ADGRV1: variants seen among roughly 807,000 people sequenced by gnomAD.
ADGRV1 encodes the protein G-protein coupled receptor 98.
Under a neutral mutation model 596.2 loss-of-function variants are expected in ADGRV1, and 359 were observed. The observed-to-expected ratio is 0.60, with a 90% CI of 0.55 to 0.66. The LOEUF (loss-of-function observed/expected upper bound fraction) is 0.66, where lower values mean the gene tolerates loss of function less well. Among genes scored for constraint, ADGRV1 ranks in the 30% least tolerant of loss-of-function variants. ADGRV1 has a pLI of 0.00. For missense variants in ADGRV1, 7,274 were observed against 7,575.6 expected (o/e 0.96, Z 1.48); for synonymous variants, 2,681 against 2,679.2 (o/e 1.00, Z -0.02).
At chr5:90,599,000 C>T (rs1761062432) in intron 1 of ADGRV1, among the ~76,000 whole-genome samples, 1 of 152,048 alleles carries the variant, frequency 6.6e-6, no homozygotes, top group South Asian at 2.1e-4. Context: ...AAAAAACCCA[C>T]CAAATCCTTT....
intron 1 of ADGRV1, among the ~76,000 whole-genome samples, chr5:90,577,740 T>C (rs754378605): frequency 6.6e-6 from 1 of 152,238 alleles, no homozygotes; most frequent in Non-Finnish European, 1.5e-5. Flanking sequence ...TGATTCTTCC[T>C]ATCCATGAGC....
At chr5:91,105,981 A>G (rs1436013920) in intron 87 of ADGRV1, among the ~76,000 whole-genome samples, 2 of 150,972 alleles carry the variant, frequency 1.3e-5, no homozygotes, top group Non-Finnish European at 3.0e-5. Flanking sequence ...AAAATCTTTT[A>G]TTTATATTTA....
intron 87 of ADGRV1, among the ~76,000 whole-genome samples, chr5:91,138,315 T>C (rs574941957): frequency 6.6e-6 from 1 of 152,360 alleles, no homozygotes; most frequent in South Asian, 2.1e-4. Flanking sequence ...TTCTGAGTGC[T>C]AAAATTTGAT....
chr5:90,779,134 G>T (rs750640192), intron 64 of ADGRV1, 37 bp downstream of exon 64: 1 of 1,280,794 alleles, frequency 7.8e-7, no homozygotes, highest in South Asian at 1.2e-5. Flanking sequence ...AGAAAGCAAA[G>T]AGCAGAGAGA....
At chr5:90,798,358 T>C (rs1033638405) in intron 70 of ADGRV1, among the ~76,000 whole-genome samples, 4 of 151,246 alleles carry the variant, frequency 2.6e-5, no homozygotes, top group Admixed American at 2.0e-4. Flanking sequence ...ACATACACCC[T>C]CCCAAGACTA....
rs200372116 is a variant in ADGRV1 at position 90,684,150 on chromosome 5, G to A, written c.6229G>A (p.Glu2077Lys). Residue 2077 changes from glutamate (E) to lysine (K), a missense_variant, in exon 28 of 90, where the codon GAA (glutamate) becomes AAA (lysine). Transcript: ENST00000405460. ...AGAAAGGTCCGAATCTGTCTTTATCGAACTACTCAACTCTACTTTAGTAGC... is the reference window on the plus strand; with the variant it reads ...AGAAAGGTCCGAATCTGTCTTTATCAAACTACTCAACTCTACTTTAGTAGC... ...EPERSESVFIELLNSTLVAKV... is the reference protein window; with the variant it reads ...EPERSESVFIKLLNSTLVAKV... The A allele has an allele frequency of 5.8e-5, 94 of 1,613,564 alleles. 2 individuals are homozygous for A. The African/African-American group carries it at 8.8e-4, about 15-fold the overall frequency.
At chr5:91,061,870 T>C (rs1188917284) in intron 85 of ADGRV1, among the ~76,000 whole-genome samples, 1 of 152,240 alleles carries the variant, frequency 6.6e-6, no homozygotes, top group Non-Finnish European at 1.5e-5. Flanking sequence ...AAAGAATAGT[T>C]GTGTGTTCAC....
Position 90,725,127 on chromosome 5 carries a change from T to G in ADGRV1, c.9948T>G (p.Asn3316Lys). 6.5e-7 allele frequency: 1 copy of G among 1,539,752 alleles called. No homozygotes were observed. Among genetic ancestry groups the G allele is most frequent in the Non-Finnish European group, 8.8e-7 (1 of 1,133,018 alleles). ...IENPKTCEAF[N>K]IGFSPYFVIT... Reference sequence around the variant, plus strand: ...ATCCTAAAACTTGTGAGGCCTTTAATATTGGTTTTTCTCCCTACTTTGTGA... The same window carrying G: ...ATCCTAAAACTTGTGAGGCCTTTAAGATTGGTTTTTCTCCCTACTTTGTGA... The change falls in exon 47 of 90, where the codon AAT (asparagine) becomes AAG (lysine). Residue 3316 changes from asparagine to lysine, a missense_variant. Around this residue, in one of 5 missense-constraint regions of ADGRV1, gnomAD observed 3,643 missense variants for 3,809.2 expected, o/e 0.96. Coordinates refer to ENST00000405460, the MANE Select transcript of ADGRV1 (RefSeq NM_032119.4).
At chr5:90,797,950 G>T (rs1378906397) in intron 70 of ADGRV1, among the ~76,000 whole-genome samples, 1 of 152,158 alleles carries the variant, frequency 6.6e-6, no homozygotes, top group Non-Finnish European at 1.5e-5. Flanking sequence ...GAAATTTATA[G>T]CATTAAATGC....
intron 29 of ADGRV1, among the ~76,000 whole-genome samples, chr5:90,688,152 A>G (rs1447673395): frequency 6.6e-6 from 1 of 152,148 alleles, no homozygotes; most frequent in Non-Finnish European, 1.5e-5. Flanking sequence ...ACTATACTAC[A>G]AGGCTACAGT....
chr5:90,697,627 T>C (rs1747362120), intron 34 of ADGRV1, among the ~76,000 whole-genome samples: 2 of 152,304 alleles, frequency 1.3e-5, no homozygotes, highest in African/African-American at 4.8e-5. Context: ...ATATTGTGTT[T>C]GTACATTTTA....
intron 50 of ADGRV1, among the ~76,000 whole-genome samples, chr5:90,737,558 T>G (rs1390967596): frequency 2.6e-5 from 4 of 151,998 alleles, no homozygotes; most frequent in African/African-American, 9.6e-5. Flanking sequence ...TGTATTGCAG[T>G]CTATATCACC....
At chr5:90,945,362 C>T (rs961125685) in intron 83 of ADGRV1, among the ~76,000 whole-genome samples, 3 of 152,104 alleles carry the variant, frequency 2.0e-5, no homozygotes, top group African/African-American at 7.2e-5. Context: ...TCCCACCTTC[C>T]CAATCAAGTA....
intron 42 of ADGRV1, among the ~76,000 whole-genome samples, 171 bp downstream of exon 42, chr5:90,712,599 C>G (rs142937795): frequency 3.9e-4 from 60 of 151,902 alleles, no homozygotes; most frequent in Non-Finnish European, 6.5e-4. Context: ...GTGCCTCTCA[C>G]GTGTGTATGT....
Position 90,823,510 on chromosome 5 carries a change from G to C in ADGRV1, c.16282G>C (p.Glu5428Gln), listed in dbSNP as rs766676260. The change falls in exon 76 of 90, where the codon GAG becomes CAG. Residue 5428 changes from glutamate to glutamine, a missense_variant. This residue lies in a region of ADGRV1 where 1,874 missense variants were observed against 1,970.2 expected (regional missense o/e 0.95). Coordinates refer to ENST00000405460, the MANE Select transcript of ADGRV1 (RefSeq NM_032119.4). ...CCAGAAGGATGGGGTAAACCTGGTG[G>C]AGGAACTTCAGTCTGTGTCAGGGAC... ...VLQKDGVNLV[E>Q]ELQSVSGTTT... 6.2e-7 allele frequency: 1 copy of C among 1,613,936 alleles called. No homozygotes were observed. Among genetic ancestry groups the C allele is most frequent in the Non-Finnish European group, 8.5e-7 (1 of 1,179,822 alleles).
intron 86 of ADGRV1, among the ~76,000 whole-genome samples, chr5:91,088,963 GCCTTTTTTTTCTGAACACCATTGTTTC>G (rs1480336344): frequency 1.3e-5 from 2 of 152,026 alleles, no homozygotes; most frequent in African/African-American, 4.8e-5. Flanking sequence ...TCCAGGAATT[GCCTTTTTTTTCTGAACACCATTGTTTC>G]CCTTTTTTTT....
At chr5:91,070,598 T>A (rs1788303227) in intron 85 of ADGRV1, among the ~76,000 whole-genome samples, 1 of 152,244 alleles carries the variant, frequency 6.6e-6, no homozygotes, top group African/African-American at 2.4e-5. Context: ...TTAACGTTCC[T>A]CCATTTGAGA....
At position 90,658,284 on chromosome 5, in the gene ADGRV1, TA is replaced by T. The variant is rs1769713426; in HGVS notation, c.4752+7del. On this transcript the variant is annotated splice_region_variant and intron_variant, in intron 21 of 89. Coordinates refer to ENST00000405460, the MANE Select transcript of ADGRV1 (RefSeq NM_032119.4). ...CAGGAGCTTGTATACCAGAGGTAAGTAGTGAGCTTGGAGAATTTTGGATTTA... is the reference window on the plus strand; with the variant it reads ...CAGGAGCTTGTATACCAGAGGTAAGTGTGAGCTTGGAGAATTTTGGATTTA... The T allele has an allele frequency of 1.4e-6, 2 of 1,480,768 alleles. No individual in the cohort carries two copies. Among genetic ancestry groups the T allele is most frequent in the Admixed American group, 2.3e-5 (1 of 42,646 alleles). The allele number at this position is 1,480,768 out of a possible 1,614,324, so 91.7% of individuals were successfully genotyped here.
rs367957504 is a variant in ADGRV1 at position 90,810,857 on chromosome 5, T to A, written c.15597T>A (p.Pro5199=). The A allele has an allele frequency of 6.2e-7, 1 of 1,614,052 alleles. No individual in the cohort carries two copies. Among genetic ancestry groups the A allele is most frequent in the Non-Finnish European group, 8.5e-7 (1 of 1,179,892 alleles). The change falls in exon 74 of 90, where the codon CCT becomes CCA. Residue 5199 remains proline, a synonymous_variant. Coordinates refer to ENST00000405460, the MANE Select transcript of ADGRV1 (RefSeq NM_032119.4). ...PEKLVTLHGT[P]AVSEKPDVAT... ...AACTTGTCACCCTTCATGGCACACC[T>A]GCTGTGTCTGAAAAGCCTGATGTGG... is the stretch of plus-strand genomic sequence containing the variant.
Sources: gnomAD v4.1 joint callset for allele counts (sites outside exome capture counted in the v4.1 genomes callset) on GRCh38, gnomAD v4.1.1 for gene constraint, gnomAD v4.1.1 regional missense constraint, MANE v1.5 for transcripts, NCBI Gene and HGNC (gene_info 2026-07-23, HGNC 2026-07-21) for gene names.